The following RGL1 variants were observed in gnomAD, a reference collection of about 807,000 sequenced individuals.
RGL1 encodes the protein ral guanine nucleotide dissociation stimulator like 1, also known as ral guanine nucleotide dissociation stimulator-like 1.
Under a neutral mutation model 95.2 loss-of-function variants are expected in RGL1, and 24 were observed. The ratio of observed to expected loss-of-function variants is 0.25; its 90% CI spans 0.18 to 0.35. The LOEUF (loss-of-function observed/expected upper bound fraction) is 0.35, where lower values mean the gene tolerates loss of function less well. RGL1 is among the 10% of genes least tolerant of loss of function. The pLI, the probability that RGL1 is intolerant of heterozygous loss-of-function variation, is 1.00. For synonymous variants in RGL1, 329 were observed against 344.9 expected, an observed-to-expected ratio of 0.95 and a Z score of 0.51; for missense variants, 715 against 936.3, an observed-to-expected ratio of 0.76 and a Z score of 3.08.
rs189351472 is a variant in RGL1, at chr1:183,913,291, G to A, written c.1749+1023G>A. Among the ~76,000 whole-genome samples, 855 of 143,992 alleles carry A rather than the reference G, an allele frequency of 5.9e-3. 6 individuals are homozygous for A. Among genetic ancestry groups the A allele is most frequent in the African/African-American group, 0.016 (621 of 38,500 alleles). 94.5% of individuals were successfully genotyped at this position (143,992 alleles called of 152,430 possible). ...GCTCACTACAACCTCTGTCTTCTGG[G>A]TTCAGGGGATTCTCCTGCCTCAGCC... is the stretch of plus-strand genomic sequence containing the variant. On this transcript the variant is annotated intron_variant, in intron 15 of 17. Coordinates refer to ENST00000360851, the MANE Select transcript of RGL1 (RefSeq NM_001297671.3).
Position 183,785,166 on chromosome 1 carries a change from C to T in RGL1, c.133-21209C>T, listed in dbSNP as rs113444757. Among the ~76,000 whole-genome samples the T allele has an allele frequency of 9.4e-3, 1,437 of 152,260 alleles. 14 individuals carry two copies. Among genetic ancestry groups the T allele is most frequent in the Non-Finnish European group, 0.014 (959 of 68,020 alleles). On this transcript the variant is annotated intron_variant, in intron 2 of 18. Transcript: ENST00000304685. Reference sequence around the variant, plus strand: ...TGAAATCTCCCCATAATCTCCATTGCCCCAGGATAAAGTCTAAATTCCTTA... The same window carrying T: ...TGAAATCTCCCCATAATCTCCATTGTCCCAGGATAAAGTCTAAATTCCTTA...
intron 4 of RGL1, among the ~76,000 whole-genome samples, chr1:183,874,633 A>T (rs1232044124): frequency 3.3e-5 from 5 of 150,938 alleles, no homozygotes; most frequent in African/African-American, 1.2e-4. Context: ...TCTCTCTTTC[A>T]CGTCTCCTCC....
intron 2 of RGL1, among the ~76,000 whole-genome samples, chr1:183,840,487 T>C (rs555008467): frequency 5.3e-4 from 81 of 152,226 alleles, no homozygotes; most frequent in African/African-American, 1.9e-3. Flanking sequence ...TACTTTGGGA[T>C]AGCGTTTTCA....
At position 183,916,975 on chromosome 1, in the gene RGL1, G is replaced by A. The variant is rs142090615; in HGVS notation, c.2004+274G>A. Among the ~76,000 whole-genome samples, 180 of 152,172 alleles carry A rather than the reference G, an allele frequency of 1.2e-3. 1 individual carries two copies. The highest frequency in any genetic ancestry group is 3.4e-3 in the Middle Eastern group (1 of 294). On this transcript the variant is annotated intron_variant, in intron 16 of 17. Transcript: ENST00000360851. ...CTTAAAGAAATGCTAAAACTTATTC[G>A]TTTAGGTCAGTATTAGCCATTTGAA...
chr1:183,926,093 T>A lies in RGL1; in HGVS notation c.2120-12T>A. 10 of 1,610,778 alleles carry A rather than the reference T, an allele frequency of 6.2e-6. No individual in the cohort carries two copies. The highest frequency in any genetic ancestry group is 8.5e-6 in the Non-Finnish European group (10 of 1,178,086). ...ACAAGCTGACCATCTTATCTTTCCT[T>A]ATCTTTTTCAGAACTTGTGATTCCA... On this transcript the variant is annotated splice_polypyrimidine_tract_variant and intron_variant, in intron 17 of 17. Coordinates refer to ENST00000360851, the MANE Select transcript of RGL1 (RefSeq NM_001297671.3).
intron 8 of RGL1, among the ~76,000 whole-genome samples, chr1:183,891,256 C>T (rs969946410): frequency 6.6e-6 from 1 of 151,808 alleles, no homozygotes; most frequent in Non-Finnish European, 1.5e-5. Flanking sequence ...CCTATTAATT[C>T]TTTGTCTTCA....
chr1:183,655,884 A>G (rs1047624261), intron 1 of RGL1, among the ~76,000 whole-genome samples: 5 of 152,190 alleles, frequency 3.3e-5, no homozygotes, highest in African/African-American at 1.2e-4. Context: ...GACTGTTTAG[A>G]TGCTCTAAAG....
chr1:183,719,203 C>T (rs1655833638), intron 1 of RGL1, among the ~76,000 whole-genome samples: 1 of 152,204 alleles, frequency 6.6e-6, no homozygotes, highest in South Asian at 2.1e-4. Context: ...CTATTCATTT[C>T]ATTCTTTCCT....
At chr1:183,840,048 G>C (rs551470483) in intron 2 of RGL1, among the ~76,000 whole-genome samples, 97 of 152,284 alleles carry the variant, frequency 6.4e-4, no homozygotes, top group Non-Finnish European at 1.3e-3. Context: ...GGATGAAACG[G>C]GTATGATCTA....
At chr1:183,732,467 A>C (rs1403771273) in intron 1 of RGL1, among the ~76,000 whole-genome samples, 1 of 152,160 alleles carries the variant, frequency 6.6e-6, no homozygotes, top group African/African-American at 2.4e-5. Context: ...CAAGCCCTAC[A>C]TTCCATCCAC....
intron 15 of RGL1, among the ~76,000 whole-genome samples, chr1:183,914,212 G>A (rs1444176571): frequency 6.6e-6 from 1 of 152,208 alleles, no homozygotes; most frequent in African/African-American, 2.4e-5. Flanking sequence ...TGGCATAGTG[G>A]AAATGTACAT....
chr1:183,660,543 C>A (rs1651540840), intron 1 of RGL1, among the ~76,000 whole-genome samples: 1 of 151,534 alleles, frequency 6.6e-6, no homozygotes, highest in East Asian at 1.9e-4. Context: ...TACAGGACCA[C>A]CCAGATTCAT....
chr1:183,837,776 G>A (rs777280709), intron 2 of RGL1, among the ~76,000 whole-genome samples: 16 of 152,174 alleles, frequency 1.1e-4, no homozygotes, highest in Non-Finnish European at 2.2e-4. Context: ...TTCCATGAAC[G>A]GGGGTTGAGG....
At chr1:183,902,502 C>G in intron 11 of RGL1, 66 bp from the exon 12 acceptor site, 1 of 1,386,204 alleles carries the variant, frequency 7.2e-7, no homozygotes, top group Admixed American at 2.0e-5. Context: ...ATGTGACCTA[C>G]GACAACATAT....
At chr1:183,670,384 T>G (rs1652357493) in intron 1 of RGL1, among the ~76,000 whole-genome samples, 1 of 152,178 alleles carries the variant, frequency 6.6e-6, no homozygotes, top group Non-Finnish European at 1.5e-5. Flanking sequence ...TGGTTTTATT[T>G]TGTGTCCCCC....
intron 1 of RGL1, among the ~76,000 whole-genome samples, chr1:183,685,274 G>A (rs1297687138): frequency 6.6e-6 from 1 of 152,158 alleles, no homozygotes; most frequent in Non-Finnish European, 1.5e-5. Context: ...CAGCAGCCTG[G>A]TTATGAATAG....
intron 2 of RGL1, among the ~76,000 whole-genome samples, chr1:183,790,013 C>T (rs983158892): frequency 6.6e-6 from 1 of 151,854 alleles, no homozygotes; most frequent in Non-Finnish European, 1.5e-5. Flanking sequence ...CTCCACCTCC[C>T]GGGTTCAAGC....
In RGL1 at chr1:183,847,607, A is replaced by G. The variant is rs1664531081; in HGVS notation, c.180A>G (p.Gln60=). 3 of 1,614,118 alleles carry G rather than the reference A, an allele frequency of 1.9e-6. No individual in the cohort carries two copies. Among genetic ancestry groups the G allele is most frequent in the South Asian group, 2.2e-5 (2 of 91,084 alleles). The change falls in exon 3 of 18, where the codon CAA becomes CAG. Residue 60 remains glutamine, a synonymous_variant. Coordinates refer to ENST00000360851, the MANE Select transcript of RGL1 (RefSeq NM_001297671.3). ...TGCCTCCAGGACACACAGTCAGTCA[A>G]TATGAAACCTGTAAGATCAGGACCA... ...DQLPPGHTVS[Q]YETCKIRTIK...
chr1:183,740,292 G>T (rs1235794433), intron 1 of RGL1, among the ~76,000 whole-genome samples: 1 of 152,092 alleles, frequency 6.6e-6, no homozygotes, highest in Non-Finnish European at 1.5e-5. Flanking sequence ...TTGTTTCCTG[G>T]TTCCTAATGG....
Sources: gnomAD v4.1 joint callset for allele counts (sites outside exome capture counted in the v4.1 genomes callset) on GRCh38, gnomAD v4.1.1 for gene constraint, MANE v1.5 for transcripts, NCBI Gene and HGNC (gene_info 2026-07-23, HGNC 2026-07-21) for gene names.